Variants in WWOX observed in about 807,000 individuals in gnomAD.
The protein encoded by WWOX is WW domain-containing oxidoreductase.
A neutral mutation model predicts 46.2 loss-of-function variants in WWOX; 69 were observed. The ratio of observed to expected loss-of-function variants is 1.49; its 90% CI spans 1.23 to 1.82. The LOEUF is 1.82. WWOX is among the 40% of genes most tolerant of loss of function. The pLI is 0.00. For missense variants in WWOX, 919 were observed against 542.6 expected (o/e 1.69, Z -6.89); for synonymous variants, 359 against 202.6 (o/e 1.77, Z -6.56).
intron 8 of WWOX, among the ~76,000 whole-genome samples, chr16:78,601,603 T>C (rs938368756): frequency 6.6e-5 from 10 of 152,332 alleles, no homozygotes; most frequent in Non-Finnish European, 1.5e-4. Flanking sequence ...ACCCGTGGTG[T>C]AAAATATATA....
intron 8 of WWOX, among the ~76,000 whole-genome samples, chr16:78,880,886 T>A (rs1180729798): frequency 6.6e-6 from 1 of 152,114 alleles, no homozygotes; most frequent in Non-Finnish European, 1.5e-5. Context: ...TGATATCAGA[T>A]CAGGTCAGAC....
intron 8 of WWOX, among the ~76,000 whole-genome samples, chr16:78,995,926 G>A (rs2046979938): frequency 6.6e-6 from 1 of 152,140 alleles, no homozygotes; most frequent in Non-Finnish European, 1.5e-5. Context: ...ATACCTCTGT[G>A]ACAGTTCGAT....
intron 8 of WWOX, among the ~76,000 whole-genome samples, chr16:78,696,685 T>TG (rs112053786): frequency 0.012 from 1,873 of 151,642 alleles, 38 homozygotes; most frequent in African/African-American, 0.04. Flanking sequence ...CCACCTGTTT[T>TG]GGGGGGGGTA....
rs947872516 is a variant in WWOX at position 78,914,220 on chromosome 16, C to T, written c.1057-297388C>T. On this transcript the variant is annotated intron_variant, in intron 8 of 8. Transcript: ENST00000566780. ...AGCACTTATCACTATCTGATATTTT[C>T]TGTCTATCCATCCGTCTATTCATTC... 4.6e-5 allele frequency among the ~76,000 whole-genome samples: 7 copies of T among 151,996 alleles called. No individual in the cohort carries two copies. The South Asian group carries it at 1.5e-3, about 32-fold the overall frequency.
At chr16:78,866,631 T>C (rs2044009757) in intron 8 of WWOX, among the ~76,000 whole-genome samples, 2 of 152,312 alleles carry the variant, frequency 1.3e-5, no homozygotes, top group Admixed American at 6.5e-5. Flanking sequence ...TGTGAGCCTA[T>C]TTGGCTCCTG....
At chr16:78,243,462 A>C (rs2037722552) in intron 5 of WWOX, among the ~76,000 whole-genome samples, 1 of 152,168 alleles carries the variant, frequency 6.6e-6, no homozygotes, top group African/African-American at 2.4e-5. Context: ...TTTGTCACCC[A>C]GGTCAGAAGC....
At chr16:79,144,356 C>G (rs1202067588) in intron 8 of WWOX, among the ~76,000 whole-genome samples, 1 of 152,202 alleles carries the variant, frequency 6.6e-6, no homozygotes, top group African/African-American at 2.4e-5. Context: ...AGAAGGCCAG[C>G]TTTTTGGGGG....
At chr16:78,965,922 G>C (rs780423729) in intron 8 of WWOX, among the ~76,000 whole-genome samples, 1 of 152,196 alleles carries the variant, frequency 6.6e-6, no homozygotes, top group Admixed American at 6.5e-5. Flanking sequence ...CGAAATGGGT[G>C]ATCTAATTTG....
chr16:78,407,186 G>A (rs951860149), intron 6 of WWOX, among the ~76,000 whole-genome samples: 2 of 152,232 alleles, frequency 1.3e-5, no homozygotes, highest in Non-Finnish European at 2.9e-5. Context: ...TTTTCTGGGA[G>A]GAAAGACAGT....
intron 6 of WWOX, among the ~76,000 whole-genome samples, chr16:78,417,862 A>T (rs1211008665): frequency 1.3e-5 from 2 of 152,196 alleles, no homozygotes; most frequent in Non-Finnish European, 2.9e-5. Context: ...AATAACTGCA[A>T]CTGACCCCAA....
intron 8 of WWOX, among the ~76,000 whole-genome samples, chr16:78,968,104 C>T (rs1198174591): frequency 8.2e-5 from 6 of 73,212 alleles, no homozygotes; most frequent in Non-Finnish European, 1.4e-4. Flanking sequence ...CATGGCACAG[C>T]GCGTGGTCCG....
chr16:78,752,831 C>G (rs973442805), intron 8 of WWOX, among the ~76,000 whole-genome samples: 1 of 152,212 alleles, frequency 6.6e-6, no homozygotes, highest in Non-Finnish European at 1.5e-5. Flanking sequence ...AGCCGCCTTA[C>G]CTAGCTGGCC....
chr16:78,231,367 C>T (rs1436601061), intron 5 of WWOX, among the ~76,000 whole-genome samples: 2 of 152,122 alleles, frequency 1.3e-5, no homozygotes, highest in Non-Finnish European at 2.9e-5. Flanking sequence ...TTTCTGAATG[C>T]AAATTAATCA....
intron 8 of WWOX, among the ~76,000 whole-genome samples, chr16:79,022,392 G>C (rs1291193563): frequency 2.7e-5 from 4 of 149,920 alleles, no homozygotes; most frequent in Non-Finnish European, 5.9e-5. Flanking sequence ...AAGCCTACTG[G>C]CTTATCTGTT....
At chr16:79,107,663 C>A (rs540598863) in intron 8 of WWOX, among the ~76,000 whole-genome samples, 4 of 152,312 alleles carry the variant, frequency 2.6e-5, no homozygotes, top group African/African-American at 4.8e-5. Flanking sequence ...AGGCGACATG[C>A]ACATTTTCAT....
chr16:78,470,566 G>T (rs568083066), intron 8 of WWOX, among the ~76,000 whole-genome samples: 1 of 152,148 alleles, frequency 6.6e-6, no homozygotes, highest in South Asian at 2.1e-4. Context: ...ATCTTGCTCT[G>T]TCGCCCAGGC....
chr16:78,122,936 A>G (rs2151685485), intron 4 of WWOX, among the ~76,000 whole-genome samples: 1 of 152,282 alleles, frequency 6.6e-6, no homozygotes, highest in East Asian at 1.9e-4. Flanking sequence ...ATCTAAAAGC[A>G]GAACCATCTT....
intron 8 of WWOX, among the ~76,000 whole-genome samples, chr16:78,467,013 G>T (rs1462842656): frequency 6.6e-6 from 1 of 152,148 alleles, no homozygotes; most frequent in Admixed American, 6.5e-5. Flanking sequence ...ACAGAGCCAT[G>T]GGGACACTAA....
chr16:78,527,417 CT>C (rs2043502324), intron 8 of WWOX, among the ~76,000 whole-genome samples: 1 of 151,954 alleles, frequency 6.6e-6, no homozygotes. Context: ...CCTTGGGCCC[CT>C]GAGTAGCTGG....
Sources: gnomAD v4.1 joint callset for allele counts (sites outside exome capture counted in the v4.1 genomes callset) on GRCh38, gnomAD v4.1.1 for gene constraint, MANE v1.5 for transcripts, NCBI Gene and HGNC (gene_info 2026-07-23, HGNC 2026-07-21) for gene names.